Variants in NEURL1 observed in about 807,000 individuals in gnomAD.
NEURL1 encodes E3 ubiquitin-protein ligase NEURL1.
Under a neutral mutation model 41.2 loss-of-function variants are expected in NEURL1, and 26 were observed. The ratio of observed to expected loss-of-function variants is 0.63; its 90% CI spans 0.46 to 0.87. NEURL1 has a LOEUF of 0.87. NEURL1 is among the 40% of genes least tolerant of loss of function. NEURL1 has a pLI of 0.00. For synonymous variants in NEURL1, 400 were observed against 402.3 expected, an observed-to-expected ratio of 0.99 and a Z score of 0.07; for missense variants, 761 against 871.1, an observed-to-expected ratio of 0.87 and a Z score of 1.59.
Position 103,558,279 on chromosome 10 carries a change from A to T in NEURL1, c.86-12593A>T. On this transcript the variant is annotated intron_variant, in intron 1 of 5. Transcript: ENST00000369780. This position sits in a 1 kb window ranked among gnomAD's most constrained non-coding sequence, Gnocchi z 4.2. ...TGAGGGGAGGGTGACAGGAGGACCC[A>T]GGACTCTGTATGTGTGTCGGGGGTC... 1 of 983,054 alleles carries T rather than the reference A, an allele frequency of 1.0e-6. No homozygotes were observed. The highest frequency in any genetic ancestry group is 1.2e-6 in the Non-Finnish European group (1 of 827,898). 60.9% of individuals were successfully genotyped at this position (983,054 alleles called of 1,614,324 possible).
At position 103,556,965 on chromosome 10, in the gene NEURL1, A is replaced by T. The variant is rs1345908115; in HGVS notation, c.86-13907A>T. The stretch of plus-strand genomic sequence containing the variant: ...GAGGCTCTCAGAGCAGACTCAGGAC[A>T]TAGTACACTGTCCTCCAGCTGCCTG... On this transcript the variant is annotated intron_variant, in intron 1 of 5. Transcript: ENST00000369780. The surrounding 1 kb of genome is among the most constrained non-coding windows in gnomAD (Gnocchi z 4.4). 6.6e-6 allele frequency among the ~76,000 whole-genome samples: 1 copy of T among 152,236 alleles called. No homozygotes were observed. The highest frequency in any genetic ancestry group is 1.9e-4 in the East Asian group (1 of 5,194).
intron 1 of NEURL1, among the ~76,000 whole-genome samples, chr10:103,522,453 C>CAA (rs34864911): frequency 1.4e-3 from 209 of 145,530 alleles, no homozygotes; most frequent in Middle Eastern, 3.6e-3. Flanking sequence ...ACTAATAATA[C>CAA]AAAAAAAAAA....
rs953612203 is a variant in NEURL1 at position 103,590,354 on chromosome 10, G to C, written c.1707G>C (p.Lys569Asn). The C allele has an allele frequency of 6.2e-7, 1 of 1,613,904 alleles. No homozygotes were observed. The highest frequency in any genetic ancestry group is 8.5e-7 in the Non-Finnish European group (1 of 1,179,980). The stretch of plus-strand genomic sequence containing the variant: ...GCCGCCCCATCAAGGACATCATCAA[G>C]ACCTACCGCAGCTCCTAGCCCGTTG... ...ICRRPIKDII[K>N]TYRSS is the part of the protein sequence containing the mutation. The change falls in exon 6 of 6, where the codon AAG (lysine) becomes AAC (asparagine). Residue 569 changes from lysine to asparagine, a missense_variant. Coordinates refer to ENST00000369780, the MANE Select transcript of NEURL1 (RefSeq NM_004210.5).
At chr10:103,513,319 C>T (rs954154879) in intron 1 of NEURL1, among the ~76,000 whole-genome samples, 13 of 152,246 alleles carry the variant, frequency 8.5e-5, no homozygotes, top group African/African-American at 1.2e-4. Context: ...ATAAACCAGC[C>T]GGAACTGGGC....
In NEURL1 at chr10:103,506,652, C is replaced by A. The variant is rs550609334; in HGVS notation, c.85+12180C>A. Among the ~76,000 whole-genome samples the A allele has an allele frequency of 4.0e-5, 6 of 151,756 alleles. No individual in the cohort carries two copies. The East Asian group carries it at 1.2e-3, about 29-fold the overall frequency. On this transcript the variant is annotated intron_variant, in intron 1 of 5. Coordinates refer to ENST00000369780, the MANE Select transcript of NEURL1 (RefSeq NM_004210.5). ...TTGGCTCACTGCAGCCTCCACCTCC[C>A]GGGTTCAAGCGATTCTCATGCCTCA...
chr10:103,518,704 ACT>A (rs987416540), intron 1 of NEURL1, among the ~76,000 whole-genome samples: 13 of 151,852 alleles, frequency 8.6e-5, no homozygotes, highest in Admixed American at 2.6e-4. Context: ...TTGGGGAACA[ACT>A]CTATTCTGTG....
intron 1 of NEURL1, among the ~76,000 whole-genome samples, chr10:103,541,326 G>T (rs1267585498): frequency 6.6e-6 from 1 of 152,162 alleles, no homozygotes; most frequent in Non-Finnish European, 1.5e-5. Context: ...GGAGGAAGCT[G>T]GGGGAGTCTG....
chr10:103,589,674 C>A lies in NEURL1; in HGVS notation c.1486+14C>A, dbSNP rs1402625786. On this transcript the variant is annotated intron_variant, in intron 5 of 5. Coordinates refer to ENST00000369780, the MANE Select transcript of NEURL1 (RefSeq NM_004210.5). The stretch of plus-strand genomic sequence containing the variant: ...GCTCTGCTGGTGGTAAGTAGGCTGG[C>A]TCCTCTGTTCCTTGGTGACCATGTG... The A allele has an allele frequency of 6.2e-7, 1 of 1,601,556 alleles. No homozygotes were observed. Among genetic ancestry groups the A allele is most frequent in the East Asian group, 2.2e-5 (1 of 44,610 alleles).
chr10:103,572,291 G>A (rs544247215), intron 3 of NEURL1, among the ~76,000 whole-genome samples: 14 of 152,358 alleles, frequency 9.2e-5, no homozygotes, highest in Non-Finnish European at 1.6e-4. Context: ...TGGCCGTTGA[G>A]GGGTAGAGCC....
chr10:103,551,297 ATTTTTT>A (rs528332099), intron 1 of NEURL1, among the ~76,000 whole-genome samples: 5 of 118,706 alleles, frequency 4.2e-5, no homozygotes, highest in African/African-American at 1.1e-4. Context: ...GGTCAAATGA[ATTTTTT>A]TTTTTTTTTT....
chr10:103,508,932 C>A lies in NEURL1; in HGVS notation c.85+14460C>A, dbSNP rs2034006461. 6.6e-6 allele frequency among the ~76,000 whole-genome samples: 1 copy of A among 152,168 alleles called. No individual in the cohort carries two copies. The highest frequency in any genetic ancestry group is 2.1e-4 in the South Asian group (1 of 4,818). The stretch of plus-strand genomic sequence containing the variant: ...AAATACAGGGTCAGGTGCGGTGGCT[C>A]ATGTCTGTAATCCCAGCACTTTGGG... On this transcript the variant is annotated intron_variant, in intron 1 of 5. Transcript: ENST00000369780. The surrounding 1 kb of genome is among the most constrained non-coding windows in gnomAD (Gnocchi z 4.3).
chr10:103,584,773 T>G lies in NEURL1; in HGVS notation c.887T>G (p.Phe296Cys). Residue 296 changes from phenylalanine (F) to cysteine (C), a missense_variant, in exon 4 of 6, where the codon TTC becomes TGC. By Grantham distance (205) the Phe-to-Cys change is radical. Transcript: ENST00000369780. ...GCGCAGCTCGACGGCGACCTGCGTT[T>G]CCACGCCCTGCGCGCCGGCGCGCAC... Reference protein sequence around the residue: ...LPAQLDGDLRFHALRAGAHVR... With the variant: ...LPAQLDGDLRCHALRAGAHVR... 1.7e-6 allele frequency: 2 copies of G among 1,180,260 alleles called. No homozygotes were observed. The highest frequency in any genetic ancestry group is 2.2e-6 in the Non-Finnish European group (2 of 896,332). The allele number at this position is 1,180,260 out of a possible 1,614,324, so 73.1% of individuals were successfully genotyped here. A position where few individuals can be genotyped will look rare whatever the true frequency, so the allele number is the denominator to read the frequency against.
At chr10:103,535,776 A>G (rs909154235) in intron 1 of NEURL1, among the ~76,000 whole-genome samples, 1 of 152,118 alleles carries the variant, frequency 6.6e-6, no homozygotes, top group African/African-American at 2.4e-5. Context: ...GAAGGGTGCA[A>G]CAGCTGCTGG....
At chr10:103,568,860 C>G (rs2035480571) in intron 1 of NEURL1, among the ~76,000 whole-genome samples, 1 of 152,112 alleles carries the variant, frequency 6.6e-6, no homozygotes, top group Admixed American at 6.5e-5. Flanking sequence ...TGTCGCCCAG[C>G]CTGGAATGCA....
In NEURL1 at chr10:103,571,116, G is replaced by A. The variant is rs1194724117; in HGVS notation, c.327+3G>A. 6.2e-7 allele frequency: 1 copy of A among 1,611,852 alleles called. No individual in the cohort carries two copies. The highest frequency in any genetic ancestry group is 1.7e-5 in the Admixed American group (1 of 59,994). ...TCTACGAGCAAGTCAGGCTGAAGGT[G>A]GGCCTGCCCCCTGCCCCCGCCCCCG... is the stretch of plus-strand genomic sequence containing the variant. On this transcript the variant is annotated splice_donor_region_variant and intron_variant, in intron 2 of 5. Coordinates refer to ENST00000369780, the MANE Select transcript of NEURL1 (RefSeq NM_004210.5).
chr10:103,554,508 G>T (rs951836529), intron 1 of NEURL1, among the ~76,000 whole-genome samples: 2 of 152,064 alleles, frequency 1.3e-5, no homozygotes, highest in African/African-American at 4.8e-5. Flanking sequence ...AGGTTGGTGT[G>T]GGGGGGAAAA....
chr10:103,574,775 TC>T (rs979857389), intron 3 of NEURL1, among the ~76,000 whole-genome samples: 6 of 152,058 alleles, frequency 3.9e-5, no homozygotes, highest in Admixed American at 6.5e-5. Context: ...TCCAGCCCCA[TC>T]CCCCCTGTGA....
At position 103,585,557 on chromosome 10, in the gene NEURL1, A is replaced by G. The variant is rs1399628724; in HGVS notation, c.1339+332A>G. Among the ~76,000 whole-genome samples, 7 of 152,354 alleles carry G rather than the reference A, an allele frequency of 4.6e-5. No individual in the cohort carries two copies. In the South Asian group the frequency reaches 1.2e-3, roughly 27 times the overall value. Reference sequence around the variant, plus strand: ...CACTCAAAAATGAGAGGAAAAGGCCAGGTGCGGTGGCTCACGCCTGTAATC... The same window carrying G: ...CACTCAAAAATGAGAGGAAAAGGCCGGGTGCGGTGGCTCACGCCTGTAATC... On this transcript the variant is annotated intron_variant, in intron 4 of 5. Transcript: ENST00000369780.
chr10:103,517,875 C>T (rs1294147419), intron 1 of NEURL1, among the ~76,000 whole-genome samples: 1 of 152,208 alleles, frequency 6.6e-6, no homozygotes, highest in Non-Finnish European at 1.5e-5. Flanking sequence ...TTGGGCCTGG[C>T]AGGCCACCAT....
Sources: gnomAD v4.1 joint callset for allele counts (sites outside exome capture counted in the v4.1 genomes callset) on GRCh38, gnomAD v4.1.1 for gene constraint, Gnocchi (gnomAD v3.1) non-coding constraint, MANE v1.5 for transcripts, NCBI Gene and HGNC (gene_info 2026-07-23, HGNC 2026-07-21) for gene names.